The following ZCCHC4 variants were observed in gnomAD, a reference collection of about 807,000 sequenced individuals.
The protein encoded by ZCCHC4 is rRNA N(6)-adenosine-methyltransferase ZCCHC4.
In ZCCHC4, 54 loss-of-function variants were observed where a neutral mutation model predicts 67.7. The observed-to-expected ratio is 0.80, with a 90% CI of 0.64 to 1.00. ZCCHC4 has a LOEUF of 1.00. Ranked by LOEUF, ZCCHC4 falls within the 50% of genes least tolerant of loss-of-function variation. The pLI is 0.00. For missense variants in ZCCHC4, 609 were observed against 617.0 expected (o/e 0.99, Z 0.14); for synonymous variants, 198 against 213.5 (o/e 0.93, Z 0.63).
intron 3 of ZCCHC4, among the ~76,000 whole-genome samples, chr4:25,318,039 A>ATAGAGTATTGAAGACGGAGAAAGTAG (rs1452202949): frequency 6.6e-6 from 1 of 152,206 alleles, no homozygotes; most frequent in East Asian, 1.9e-4. Context: ...TTGAGAGAAA[A>ATAGAGTATTGAAGACGGAGAAAGTAG]TAGAGTATTG....
intron 12 of ZCCHC4, chr4:25,365,929 A>T: frequency 2.0e-6 from 2 of 984,450 alleles, no homozygotes; most frequent in Non-Finnish European, 2.4e-6. Context: ...CTTTATTGCT[A>T]AGAAAACTAA....
chr4:25,365,225 C>G (rs1720896234), intron 12 of ZCCHC4, 59 bp downstream of exon 12: 1 of 1,593,592 alleles, frequency 6.3e-7, no homozygotes, highest in Non-Finnish European at 8.6e-7. Context: ...CAGGATAATC[C>G]ACAAAAGCAT....
chr4:25,358,161 A>G (rs1190403073), intron 8 of ZCCHC4, among the ~76,000 whole-genome samples: 1 of 152,226 alleles, frequency 6.6e-6, no homozygotes, highest in Non-Finnish European at 1.5e-5. Context: ...AAGTTGAGTT[A>G]AGGACCTTGA....
chr4:25,352,849 C>A (rs913822267), intron 8 of ZCCHC4, among the ~76,000 whole-genome samples: 1 of 152,192 alleles, frequency 6.6e-6, no homozygotes, highest in Non-Finnish European at 1.5e-5. Context: ...TCTTTCTAAT[C>A]CTGAAGGCAT....
intron 11 of ZCCHC4, 94 bp downstream of exon 11, chr4:25,364,599 A>C (rs1720872129): frequency 1.8e-6 from 2 of 1,109,970 alleles, no homozygotes; most frequent in African/African-American, 3.3e-5. Context: ...ATAAACGAAA[A>C]AATAATCAGT....
chr4:25,340,839 C>A (rs963964144), intron 5 of ZCCHC4, among the ~76,000 whole-genome samples: 2 of 152,074 alleles, frequency 1.3e-5, no homozygotes, highest in African/African-American at 4.8e-5. Flanking sequence ...ATACAGTTAA[C>A]CATTGAATAA....
chr4:25,328,965 G>A (rs562934122), intron 3 of ZCCHC4, among the ~76,000 whole-genome samples: 2 of 152,142 alleles, frequency 1.3e-5, no homozygotes, highest in South Asian at 2.1e-4. Flanking sequence ...AAGCAAGTGG[G>A]TCACTTGAGC....
intron 10 of ZCCHC4, 39 bp from the exon 11 acceptor site, chr4:25,364,413 CAA>C (rs1560418182): frequency 7.3e-7 from 1 of 1,362,436 alleles, no homozygotes; most frequent in East Asian, 2.7e-5. Flanking sequence ...TTTTTAATAA[CAA>C]ATTAATTATA....
At position 25,369,496 on chromosome 4, in the gene ZCCHC4, C is replaced by G; in HGVS notation, c.*332C>G. The G allele has an allele frequency of 4.2e-6, 1 of 236,480 alleles. No homozygotes were observed. Among genetic ancestry groups the G allele is most frequent in the Non-Finnish European group, 8.1e-6 (1 of 123,402 alleles). 14.6% of individuals were successfully genotyped at this position (236,480 alleles called of 1,614,324 possible). On this transcript the variant is annotated 3_prime_UTR_variant, in exon 13 of 13. Transcript: ENST00000302874. The stretch of plus-strand genomic sequence containing the variant: ...TCTCCCAGGCTAGAGTGCAATGGCA[C>G]AACCTCAGCTCACTGCAACCTCTGC...
At chr4:25,324,080 C>T (rs1718732620) in intron 3 of ZCCHC4, among the ~76,000 whole-genome samples, 1 of 134,176 alleles carries the variant, frequency 7.5e-6, no homozygotes, top group Admixed American at 8.4e-5. Flanking sequence ...GGTGCAATCT[C>T]AGTTCACTGC....
chr4:25,312,802 G>C lies in ZCCHC4; in HGVS notation c.-8G>C. ...TCGTACTGAGGCTTTCGGGACGGCG[G>C]CGGGAAGATGGCGGCCTCCAGGAAT... On this transcript the variant is annotated 5_prime_UTR_variant, in exon 1 of 13. Transcript: ENST00000302874. 1 of 1,613,120 alleles carries C rather than the reference G, an allele frequency of 6.2e-7. No individual in the cohort carries two copies. The highest frequency in any genetic ancestry group is 8.5e-7 in the Non-Finnish European group (1 of 1,179,948).
At chr4:25,358,495 T>G (rs1416064529) in intron 8 of ZCCHC4, among the ~76,000 whole-genome samples, 1 of 152,240 alleles carries the variant, frequency 6.6e-6, no homozygotes, top group Non-Finnish European at 1.5e-5. Context: ...GATAAAAGAT[T>G]AGAGTTGTTC....
rs1721095543 is a variant in ZCCHC4, at chr4:25,370,249, A to G, written c.*1085A>G. On this transcript the variant is annotated 3_prime_UTR_variant, in exon 13 of 13. Coordinates refer to ENST00000302874, the MANE Select transcript of ZCCHC4 (RefSeq NM_024936.3). ...ACTAAACTCCTCATTCCTACCCTTA[A>G]TATTTCCTGGCTGTATGATCTTGGC... is the stretch of plus-strand genomic sequence containing the variant. 6.6e-6 allele frequency: 1 copy of G among 152,154 alleles called. No individual in the cohort carries two copies. The highest frequency in any genetic ancestry group is 1.5e-5 in the Non-Finnish European group (1 of 68,026). 9.4% of individuals were successfully genotyped at this position (152,154 alleles called of 1,614,324 possible).
Position 25,333,391 on chromosome 4 carries a change from T to C in ZCCHC4, c.538T>C (p.Cys180Arg), listed in dbSNP as rs765083269. 1 of 1,614,218 alleles carries C rather than the reference T, an allele frequency of 6.2e-7. No homozygotes were observed. Among genetic ancestry groups the C allele is most frequent in the South Asian group, 1.1e-5 (1 of 91,088 alleles). ...NAQYLFADRS[C>R]QFLVDLLSAL... ...CCAGTATCTGTTTGCTGATCGGAGCTGTCAGTTCTTGGTAGACTTACTTTC... is the reference window on the plus strand; with the variant it reads ...CCAGTATCTGTTTGCTGATCGGAGCCGTCAGTTCTTGGTAGACTTACTTTC... Residue 180 changes from cysteine to arginine, a missense_variant, in exon 4 of 13, where the codon TGT becomes CGT. By Grantham distance (180) the Cys-to-Arg change is radical. Transcript: ENST00000302874.
intron 3 of ZCCHC4, among the ~76,000 whole-genome samples, chr4:25,323,280 T>A (rs190414879): frequency 1.1e-4 from 16 of 152,344 alleles, no homozygotes; most frequent in Admixed American, 1.3e-4. Context: ...TTGTTACAGT[T>A]CATGTGGGAA....
chr4:25,340,598 T>TA (rs1474844455), intron 5 of ZCCHC4, among the ~76,000 whole-genome samples: 4 of 152,332 alleles, frequency 2.6e-5, no homozygotes, highest in Admixed American at 6.5e-5. Context: ...ATTGCCATCT[T>TA]AATATTAAGT....
chr4:25,360,108 A>G (rs568851327), intron 8 of ZCCHC4, among the ~76,000 whole-genome samples: 2 of 152,338 alleles, frequency 1.3e-5, no homozygotes, highest in Middle Eastern at 3.4e-3. Context: ...GTTTGCCTTC[A>G]TGGGAGGATG....
chr4:25,345,075 T>A (rs1374915412), intron 5 of ZCCHC4, among the ~76,000 whole-genome samples: 1 of 152,090 alleles, frequency 6.6e-6, no homozygotes, highest in Non-Finnish European at 1.5e-5. Context: ...AGTGCTAGAA[T>A]TACAGGTGTG....
Position 25,319,342 on chromosome 4 carries a change from G to A in ZCCHC4, c.329+3942G>A, listed in dbSNP as rs183396836. Among the ~76,000 whole-genome samples the A allele has an allele frequency of 2.6e-5, 4 of 151,890 alleles. No homozygotes were observed. The East Asian group carries it at 5.8e-4, about 22-fold the overall frequency. The stretch of plus-strand genomic sequence containing the variant: ...AGAGCTTGTAGCGAGCCGAGATTGC[G>A]CCACTGCACTCCAGCCTGGGCGAGA... On this transcript the variant is annotated intron_variant, in intron 3 of 12. Transcript: ENST00000302874.
Sources: allele counts gnomAD v4.1 joint callset (sites outside exome capture counted in the v4.1 genomes callset), GRCh38; gene constraint gnomAD v4.1.1; transcripts MANE v1.5; gene names NCBI Gene and HGNC (gene_info 2026-07-23, HGNC 2026-07-21).